Variants in CSMD1 observed in about 807,000 individuals in gnomAD.
CSMD1 encodes the protein CUB and Sushi multiple domains 1.
A neutral mutation model predicts 417.5 loss-of-function variants in CSMD1; 213 were observed. The ratio of observed to expected loss-of-function variants is 0.51; its 90% CI spans 0.46 to 0.57. The LOEUF (loss-of-function observed/expected upper bound fraction) is 0.57, where lower values mean the gene tolerates loss of function less well. Among genes scored for constraint, CSMD1 ranks in the 20% least tolerant of loss-of-function variants. CSMD1 has a pLI of 0.00. For synonymous variants in CSMD1, 2,862 were observed against 1,736.8 expected, an observed-to-expected ratio of 1.65 and a Z score of -16.11; for missense variants, 6,923 against 4,529.7, an observed-to-expected ratio of 1.53 and a Z score of -15.17.
chr8:4,042,477 G>C (rs921075573), intron 3 of CSMD1, among the ~76,000 whole-genome samples: 1 of 152,008 alleles, frequency 6.6e-6, no homozygotes, highest in Non-Finnish European at 1.5e-5. Context: ...TCACAGGGTA[G>C]AGAAACAAGT....
At chr8:4,893,669 C>A (rs569560156) in intron 1 of CSMD1, among the ~76,000 whole-genome samples, 8 of 152,228 alleles carry the variant, frequency 5.3e-5, no homozygotes, top group African/African-American at 1.9e-4. Flanking sequence ...TTTTTCCTAA[C>A]TGGTTCAAAC....
chr8:4,681,584 A>G (rs1328340330), intron 1 of CSMD1, among the ~76,000 whole-genome samples: 1 of 152,156 alleles, frequency 6.6e-6, no homozygotes, highest in Admixed American at 6.5e-5. Context: ...TGAAAATACG[A>G]CGAGTGGAAC....
chr8:3,720,679 C>A (rs941777074), intron 6 of CSMD1, among the ~76,000 whole-genome samples: 4 of 149,732 alleles, frequency 2.7e-5, no homozygotes, highest in South Asian at 2.1e-4. Flanking sequence ...CCTTCATGAC[C>A]CATGGGAAGC....
intron 3 of CSMD1, among the ~76,000 whole-genome samples, chr8:4,218,213 C>A (rs1800801961): frequency 6.6e-6 from 1 of 152,140 alleles, no homozygotes; most frequent in African/African-American, 2.4e-5. Flanking sequence ...GCACTTTGCT[C>A]ATTTCATTTT....
chr8:3,838,330 G>T (rs561215903), intron 5 of CSMD1, among the ~76,000 whole-genome samples: 24 of 151,934 alleles, frequency 1.6e-4, no homozygotes, highest in Admixed American at 1.4e-3. Context: ...GAGTCCAGTA[G>T]TTCCAGACCA....
chr8:3,926,053 T>TACATACACACACACACAAACACCATAC (rs1809656705), intron 5 of CSMD1, among the ~76,000 whole-genome samples: 1 of 87,820 alleles, frequency 1.1e-5, no homozygotes. Flanking sequence ...AAACACCATA[T>TACATACACACACACACAAACACCATAC]ACACACACAC....
chr8:3,921,446 G>C (rs947525879), intron 5 of CSMD1, among the ~76,000 whole-genome samples: 1 of 151,580 alleles, frequency 6.6e-6, no homozygotes, highest in Non-Finnish European at 1.5e-5. Flanking sequence ...TTTGAGCTTG[G>C]TTTGTTCTTT....
At chr8:4,284,998 T>C (rs1237902193) in intron 3 of CSMD1, among the ~76,000 whole-genome samples, 1 of 152,226 alleles carries the variant, frequency 6.6e-6, no homozygotes, top group African/African-American at 2.4e-5. Flanking sequence ...GGTTCCTTTA[T>C]TTGTAAAATG....
chr8:4,657,577 T>A (rs1300409182), intron 1 of CSMD1, among the ~76,000 whole-genome samples: 1 of 152,102 alleles, frequency 6.6e-6, no homozygotes, highest in African/African-American at 2.4e-5. Flanking sequence ...TTTAATTCAA[T>A]AACTACAGCA....
At chr8:4,756,401 T>C (rs938678085) in intron 1 of CSMD1, among the ~76,000 whole-genome samples, 2 of 152,176 alleles carry the variant, frequency 1.3e-5, no homozygotes, top group Non-Finnish European at 2.9e-5. Context: ...CCCGACCAAG[T>C]TGAAGAACAG....
At chr8:4,514,641 G>A (rs545846156) in intron 2 of CSMD1, among the ~76,000 whole-genome samples, 1 of 152,090 alleles carries the variant, frequency 6.6e-6, no homozygotes, top group Non-Finnish European at 1.5e-5. Flanking sequence ...AGCAACATCA[G>A]CCCTGTTAAA....
At chr8:3,829,939 C>T (rs928878347) in intron 5 of CSMD1, among the ~76,000 whole-genome samples, 2 of 152,030 alleles carry the variant, frequency 1.3e-5, no homozygotes, top group Non-Finnish European at 2.9e-5. Flanking sequence ...TGAAAAAAAA[C>T]TGATTTCAAG....
chr8:2,993,335 G>A (rs1806568441), intron 54 of CSMD1, among the ~76,000 whole-genome samples: 2 of 152,168 alleles, frequency 1.3e-5, no homozygotes, highest in African/African-American at 4.8e-5. Flanking sequence ...TTGAAGGTAA[G>A]GTTATATTTT....
intron 47 of CSMD1, among the ~76,000 whole-genome samples, chr8:3,094,683 G>A (rs1393520627): frequency 1.3e-5 from 2 of 151,644 alleles, no homozygotes; most frequent in African/African-American, 4.8e-5. Context: ...AAAGCATTAT[G>A]GGATATCCAC....
intron 2 of CSMD1, among the ~76,000 whole-genome samples, chr8:4,592,121 A>T (rs1326340842): frequency 6.6e-6 from 1 of 152,042 alleles, no homozygotes; most frequent in African/African-American, 2.4e-5. Context: ...CTTTGCTGGC[A>T]TAACGGATTC....
chr8:3,406,780 C>T (rs187421640), intron 14 of CSMD1, among the ~76,000 whole-genome samples: 26 of 152,298 alleles, frequency 1.7e-4, no homozygotes, highest in Admixed American at 7.8e-4. Flanking sequence ...TTAATATTCT[C>T]TCACTTTATT....
chr8:4,415,685 C>G (rs956614007), intron 3 of CSMD1, among the ~76,000 whole-genome samples: 1 of 152,080 alleles, frequency 6.6e-6, no homozygotes, highest in African/African-American at 2.4e-5. Context: ...TGGTAGAGGC[C>G]CCGTGAATGC....
chr8:4,563,150 T>C (rs1217485834), intron 2 of CSMD1, among the ~76,000 whole-genome samples: 2 of 152,226 alleles, frequency 1.3e-5, no homozygotes, highest in African/African-American at 2.4e-5. Context: ...GCCTGTAATC[T>C]CAGCACTTTC....
chr8:3,367,492 G>C (rs898871780), intron 19 of CSMD1, among the ~76,000 whole-genome samples: 1 of 151,956 alleles, frequency 6.6e-6, no homozygotes. Flanking sequence ...GAGGTTAGGA[G>C]AGGTAACAAT....
Sources: gnomAD v4.1 joint callset for allele counts (sites outside exome capture counted in the v4.1 genomes callset) on GRCh38, gnomAD v4.1.1 for gene constraint, MANE v1.5 for transcripts, NCBI Gene and HGNC (gene_info 2026-07-23, HGNC 2026-07-21) for gene names.